Variants in KHDRBS2 observed in about 807,000 individuals in gnomAD.
KHDRBS2 encodes KH domain-containing, RNA-binding, signal transduction-associated protein 2.
KHDRBS2 carries 26 observed loss-of-function variants against 44.3 expected under a neutral mutation model. The ratio of observed to expected loss-of-function variants is 0.59; its 90% CI spans 0.43 to 0.81. The LOEUF (loss-of-function observed/expected upper bound fraction) is 0.81. KHDRBS2 is among the 40% of genes least tolerant of loss of function. The probability of loss-of-function intolerance (pLI) is 0.00; values close to 1 mark genes in which losing one functional copy is unlikely to be tolerated. For missense variants in KHDRBS2, 476 were observed against 433.1 expected, an observed-to-expected ratio of 1.10 and a Z score of -0.88; for synonymous variants, 194 against 151.1, an observed-to-expected ratio of 1.28 and a Z score of -2.08.
chr6:61,756,263 T>A (rs528934905), intron 6 of KHDRBS2, among the ~76,000 whole-genome samples: 20 of 150,610 alleles, frequency 1.3e-4, no homozygotes, highest in East Asian at 7.8e-4. Flanking sequence ...TTAATTAATT[T>A]ATTTTTTTTT....
chr6:61,747,166 A>ATTTT (rs1391386404), intron 6 of KHDRBS2, among the ~76,000 whole-genome samples: 2 of 152,168 alleles, frequency 1.3e-5, no homozygotes, highest in Non-Finnish European at 2.9e-5. Flanking sequence ...TTATATTGCT[A>ATTTT]TTTTAGGACA....
intron 1 of KHDRBS2, among the ~76,000 whole-genome samples, chr6:62,261,189 C>T (rs1242710962): frequency 6.6e-6 from 1 of 151,848 alleles, no homozygotes; most frequent in Non-Finnish European, 1.5e-5. Context: ...TCTATAATTG[C>T]TCCTTATTAC....
intron 2 of KHDRBS2, among the ~76,000 whole-genome samples, chr6:62,089,620 C>G (rs1799120361): frequency 6.6e-6 from 1 of 152,120 alleles, no homozygotes; most frequent in Non-Finnish European, 1.5e-5. Flanking sequence ...AGAAATCACC[C>G]AACTTCTGCA....
chr6:61,896,033 T>C (rs749405677), intron 5 of KHDRBS2, among the ~76,000 whole-genome samples: 2 of 152,080 alleles, frequency 1.3e-5, no homozygotes, highest in Admixed American at 1.3e-4. Context: ...CTCTCCTAGA[T>C]TGGGAGAAGG....
chr6:61,881,843 G>T (rs1459530556), intron 6 of KHDRBS2, among the ~76,000 whole-genome samples: 1 of 151,968 alleles, frequency 6.6e-6, no homozygotes, highest in Non-Finnish European at 1.5e-5. Flanking sequence ...GTGCAGAACA[G>T]CAAAATATAT....
intron 2 of KHDRBS2, among the ~76,000 whole-genome samples, chr6:62,112,959 A>G (rs948956130): frequency 3.9e-5 from 6 of 152,138 alleles, no homozygotes; most frequent in South Asian, 2.1e-4. Flanking sequence ...TCACCTATCC[A>G]TCTTCTCACC....
chr6:61,846,478 T>G (rs1794421841), intron 6 of KHDRBS2, among the ~76,000 whole-genome samples: 3 of 152,194 alleles, frequency 2.0e-5, no homozygotes, highest in Admixed American at 6.5e-5. Context: ...GGTGTCTATA[T>G]GTTGAGAATA....
intron 2 of KHDRBS2, among the ~76,000 whole-genome samples, chr6:62,099,573 G>A (rs1801399954): frequency 1.3e-5 from 2 of 152,202 alleles, no homozygotes; most frequent in Non-Finnish European, 2.9e-5. Context: ...ACCCACTTGG[G>A]TCAGGAACCG....
chr6:62,127,768 TA>T (rs1809318695), intron 2 of KHDRBS2, among the ~76,000 whole-genome samples: 1 of 152,198 alleles, frequency 6.6e-6, no homozygotes, highest in South Asian at 2.1e-4. Flanking sequence ...CTTTCAAGTC[TA>T]ACATTTATAG....
the KHDRBS2 span, among the ~76,000 whole-genome samples, chr6:61,648,348 A>G: frequency 3.9e-5 from 6 of 152,116 alleles, no homozygotes; most frequent in Non-Finnish European, 7.4e-5. Context: ...CTAACTTCAC[A>G]TTGAGAAGAA....
chr6:61,821,376 A>G (rs911820813), intron 6 of KHDRBS2, among the ~76,000 whole-genome samples: 7 of 152,006 alleles, frequency 4.6e-5, no homozygotes, highest in African/African-American at 1.4e-4. Context: ...AAATTTAAGG[A>G]TTGCTTTAAT....
intron 2 of KHDRBS2, among the ~76,000 whole-genome samples, chr6:62,150,940 G>T (rs1004855446): frequency 6.6e-6 from 1 of 152,092 alleles, no homozygotes; most frequent in Non-Finnish European, 1.5e-5. Context: ...ATTCATGTTT[G>T]ATCTTAATCT....
chr6:61,815,064 T>G (rs1474150856), intron 6 of KHDRBS2, among the ~76,000 whole-genome samples: 2 of 152,160 alleles, frequency 1.3e-5, no homozygotes, highest in Non-Finnish European at 2.9e-5. Context: ...GACAATAGTC[T>G]GTACATGTTT....
chr6:61,756,732 A>G (rs1448406833), intron 6 of KHDRBS2, among the ~76,000 whole-genome samples: 3 of 152,246 alleles, frequency 2.0e-5, no homozygotes, highest in Admixed American at 6.5e-5. Flanking sequence ...TTTCAAGTGT[A>G]CAATTTGACA....
chr6:61,830,000 T>C (rs936141828), intron 6 of KHDRBS2, among the ~76,000 whole-genome samples: 1 of 152,218 alleles, frequency 6.6e-6, no homozygotes, highest in African/African-American at 2.4e-5. Context: ...CTATTTACTA[T>C]TCCTATTCAA....
chr6:61,889,301 A>T (rs1801450751), intron 6 of KHDRBS2, among the ~76,000 whole-genome samples: 2 of 152,218 alleles, frequency 1.3e-5, no homozygotes, highest in African/African-American at 4.8e-5. Context: ...TGTCACAGTT[A>T]GAATTCAGAC....
At chr6:61,970,364 C>A (rs1220346629) in intron 4 of KHDRBS2, among the ~76,000 whole-genome samples, 1 of 151,934 alleles carries the variant, frequency 6.6e-6, no homozygotes, top group Non-Finnish European at 1.5e-5. Context: ...AAAATCCCAT[C>A]ATTTTATTTC....
intron 6 of KHDRBS2, among the ~76,000 whole-genome samples, chr6:61,783,925 TTTAAA>T (rs1489799051): frequency 1.3e-5 from 2 of 152,022 alleles, no homozygotes; most frequent in Non-Finnish European, 2.9e-5. Context: ...GCATCATTCT[TTTAAA>T]TTATAAAGTG....
intron 8 of KHDRBS2, among the ~76,000 whole-genome samples, chr6:61,689,722 T>A (rs1767188798): frequency 6.6e-6 from 1 of 152,010 alleles, no homozygotes; most frequent in Non-Finnish European, 1.5e-5. Flanking sequence ...GAGACTGATC[T>A]AACTATTTTA....
Sources: gnomAD v4.1 joint callset for allele counts (sites outside exome capture counted in the v4.1 genomes callset) on GRCh38, gnomAD v4.1.1 for gene constraint, MANE v1.5 for transcripts, NCBI Gene and HGNC (gene_info 2026-07-23, HGNC 2026-07-21) for gene names.